STAU1: variants seen among roughly 807,000 people sequenced by gnomAD.
STAU1 encodes the protein staufen double-stranded RNA binding protein 1.
In STAU1, 13 loss-of-function variants were observed where a neutral mutation model predicts 62.9. The ratio of observed to expected loss-of-function variants is 0.21; its 90% CI spans 0.13 to 0.33. The LOEUF (loss-of-function observed/expected upper bound fraction) is 0.33, where lower values mean the gene tolerates loss of function less well. Among genes scored for constraint, STAU1 ranks in the 10% least tolerant of loss-of-function variants. STAU1 has a pLI of 1.00. For missense variants in STAU1, 571 were observed against 712.1 expected (o/e 0.80, Z 2.25); for synonymous variants, 269 against 265.1 (o/e 1.01, Z -0.14).
intron 6 of STAU1, 91 bp from the exon 7 acceptor site, chr20:49,124,678 G>A: frequency 7.4e-7 from 1 of 1,357,774 alleles, no homozygotes; most frequent in South Asian, 1.2e-5. Context: ...ACAGACACAG[G>A]GAAGGGGAAC....
intron 9 of STAU1, among the ~76,000 whole-genome samples, chr20:49,119,003 A>G (rs1384987562): frequency 6.6e-6 from 1 of 152,200 alleles, no homozygotes; most frequent in Non-Finnish European, 1.5e-5. Flanking sequence ...CTGGGGTCCC[A>G]GTCAGTTATT....
At chr20:49,173,760 G>A (rs2093626167) in intron 2 of STAU1, among the ~76,000 whole-genome samples, 1 of 152,188 alleles carries the variant, frequency 6.6e-6, no homozygotes, top group South Asian at 2.1e-4. Context: ...TTCACAAGCT[G>A]CTAGTGGTCA....
intron 6 of STAU1, among the ~76,000 whole-genome samples, chr20:49,126,582 A>AAAAAAACAAAAAAAAAAACAAAAC (rs2092622910): frequency 2.2e-5 from 2 of 89,928 alleles, no homozygotes; most frequent in Non-Finnish European, 4.3e-5. Context: ...AGCAAAAAAA[A>AAAAAAACAAAAAAAAAAACAAAAC]AAAAACAAAA....
intron 3 of STAU1, among the ~76,000 whole-genome samples, chr20:49,157,430 C>T (rs765169257): frequency 6.6e-5 from 10 of 152,012 alleles, no homozygotes; most frequent in Non-Finnish European, 1.5e-4. Flanking sequence ...CCTCCCACCT[C>T]AACCTCCTGA....
the STAU1 span, among the ~76,000 whole-genome samples, chr20:49,213,181 AT>A: frequency 6.6e-6 from 1 of 150,862 alleles, no homozygotes; most frequent in Non-Finnish European, 1.5e-5. Context: ...ACTTTTTGTA[AT>A]TTTGTATTTT....
the STAU1 span, among the ~76,000 whole-genome samples, chr20:49,208,694 A>G: frequency 6.7e-6 from 1 of 148,992 alleles, no homozygotes; most frequent in African/African-American, 2.5e-5. Flanking sequence ...ATCTCGGCTC[A>G]CTGCAAGCTC....
intron 4 of STAU1, among the ~76,000 whole-genome samples, chr20:49,153,710 C>CAAAAAAAAAAAAAAAAAAAAAAAAAA (rs145558067): frequency 1.6e-4 from 11 of 67,610 alleles, no homozygotes; most frequent in African/African-American, 5.0e-4. Flanking sequence ...GACTCTGTCT[C>CAAAAAAAAAAAAAAAAAAAAAAAAAA]AAAAAAAAAA....
At chr20:49,178,845 G>A (rs1203828114) in intron 1 of STAU1, among the ~76,000 whole-genome samples, 4 of 150,588 alleles carry the variant, frequency 2.7e-5, no homozygotes, top group Non-Finnish European at 5.9e-5. Context: ...AGGCCAAGGC[G>A]AGTGGATCAC....
chr20:49,195,942 G>GAAAAAAGAAA, the STAU1 span, among the ~76,000 whole-genome samples: 1 of 77,204 alleles, frequency 1.3e-5, no homozygotes, highest in South Asian at 5.4e-4. Context: ...AAAAAACAAA[G>GAAAAAAGAAA]AAACAACAAC....
chr20:49,200,681 A>G, the STAU1 span, among the ~76,000 whole-genome samples: 1 of 152,020 alleles, frequency 6.6e-6, no homozygotes, highest in South Asian at 2.1e-4. Context: ...TCTAGGTGGA[A>G]AAAACTTAGA....
intron 3 of STAU1, among the ~76,000 whole-genome samples, chr20:49,154,366 C>A (rs777870472): frequency 2.0e-5 from 3 of 152,118 alleles, no homozygotes; most frequent in Non-Finnish European, 4.4e-5. Flanking sequence ...GAAATAAGTT[C>A]CAAAACACAT....
intron 5 of STAU1, among the ~76,000 whole-genome samples, chr20:49,138,575 C>T (rs2092940533): frequency 6.6e-6 from 1 of 152,086 alleles, no homozygotes; most frequent in Admixed American, 6.6e-5. Context: ...AAACATAGCT[C>T]ACTGCAGCTT....
At chr20:49,124,228 T>C (rs1353253294) in intron 7 of STAU1, 147 bp downstream of exon 7, 2 of 782,316 alleles carry the variant, frequency 2.6e-6, no homozygotes, top group Non-Finnish European at 4.2e-6. Context: ...CAGGTGGCTC[T>C]TGCAGCACCT....
chr20:49,136,135 C>CA (rs886787261), intron 5 of STAU1, among the ~76,000 whole-genome samples: 6 of 151,790 alleles, frequency 4.0e-5, no homozygotes, highest in African/African-American at 1.2e-4. Flanking sequence ...AAAACAAAAA[C>CA]AAAAAAACAA....
intron 6 of STAU1, among the ~76,000 whole-genome samples, chr20:49,130,261 C>T (rs983043390): frequency 2.0e-5 from 3 of 152,144 alleles, no homozygotes; most frequent in African/African-American, 7.2e-5. Context: ...AAAGGCAACA[C>T]TATAGGGACA....
intron 1 of STAU1, among the ~76,000 whole-genome samples, chr20:49,178,655 G>A (rs532079513): frequency 1.2e-4 from 18 of 152,138 alleles, no homozygotes; most frequent in Non-Finnish European, 2.4e-4. Flanking sequence ...GGAGGCTGAG[G>A]CTGAACAATC....
rs777113893 is a variant in STAU1, at chr20:49,123,152, C to T, written c.906G>A (p.Glu302=). ...AQIQQAKKEK[E]PEYTLLTERG... ...GCTCTGTGAGGAGCGTGTACTCTGGCTCCTTCTCCTTTTTTGCCTGCTGGA... is the reference window on the plus strand; with the variant it reads ...GCTCTGTGAGGAGCGTGTACTCTGGTTCCTTCTCCTTTTTTGCCTGCTGGA... Residue 302 remains glutamate (E), a synonymous_variant, in exon 8 of 14, where the codon GAG becomes GAA. Coordinates refer to ENST00000371856, the MANE Select transcript of STAU1 (RefSeq NM_017453.4). 2 of 1,614,120 alleles carry T rather than the reference C, an allele frequency of 1.2e-6. No homozygotes were observed. The highest frequency in any genetic ancestry group is 1.7e-6 in the Non-Finnish European group (2 of 1,180,000).
chr20:49,123,014 C>T (rs1185269106), intron 8 of STAU1, 78 bp downstream of exon 8: 1 of 1,471,394 alleles, frequency 6.8e-7, no homozygotes, highest in Non-Finnish European at 9.0e-7. Flanking sequence ...AGGAAGGTGT[C>T]CAGACCTTGA....
At chr20:49,123,483 G>T (rs1486117433) in intron 7 of STAU1, among the ~76,000 whole-genome samples, 1 of 152,120 alleles carries the variant, frequency 6.6e-6, no homozygotes, top group Non-Finnish European at 1.5e-5. Context: ...CACTATGACT[G>T]CGACGGCTGT....
Sources: gnomAD v4.1 joint callset for allele counts (sites outside exome capture counted in the v4.1 genomes callset) on GRCh38, gnomAD v4.1.1 for gene constraint, MANE v1.5 for transcripts, NCBI Gene and HGNC (gene_info 2026-07-23, HGNC 2026-07-21) for gene names.